BCL2L13: variants seen among roughly 807,000 people sequenced by gnomAD.
The protein encoded by BCL2L13 is BCL2 like 13.
A neutral mutation model predicts 25.8 loss-of-function variants in BCL2L13; 13 were observed. That is an observed-to-expected ratio of 0.50 (90% CI 0.33 to 0.80). The LOEUF (loss-of-function observed/expected upper bound fraction) is 0.80, where lower values mean the gene tolerates loss of function less well. Ranked by LOEUF, BCL2L13 falls within the 30% of genes least tolerant of loss-of-function variation. The pLI, the probability that BCL2L13 is intolerant of heterozygous loss-of-function variation, is 0.02. For synonymous variants in BCL2L13, 244 were observed against 230.3 expected (o/e 1.06, Z -0.54); for missense variants, 504 against 574.9 (o/e 0.88, Z 1.26).
At chr22:17,629,667 C>T (rs550138229) in intron 1 of BCL2L13, among the ~76,000 whole-genome samples, 3 of 152,120 alleles carry the variant, frequency 2.0e-5, no homozygotes, top group Admixed American at 6.5e-5. Flanking sequence ...TTTCTTTTTA[C>T]TGTGCTATGG....
chr22:17,704,114 T>A (rs927422462), intron 6 of BCL2L13, among the ~76,000 whole-genome samples: 4 of 152,176 alleles, frequency 2.6e-5, no homozygotes, highest in African/African-American at 9.7e-5. Context: ...TTTGAAACAG[T>A]CTTGCTCTGT....
intron 2 of BCL2L13, among the ~76,000 whole-genome samples, chr22:17,656,519 T>C (rs1323512859): frequency 6.6e-6 from 1 of 150,998 alleles, no homozygotes; most frequent in Non-Finnish European, 1.5e-5. Flanking sequence ...GGCTAATTTT[T>C]GTATTTTTAG....
At chr22:17,693,825 C>A (rs1262882157) in intron 4 of BCL2L13, among the ~76,000 whole-genome samples, 2 of 152,154 alleles carry the variant, frequency 1.3e-5, no homozygotes, top group African/African-American at 2.4e-5. Context: ...GCAACCTCCA[C>A]CTCCTGGGTT....
intron 4 of BCL2L13, among the ~76,000 whole-genome samples, chr22:17,694,359 A>G (rs1041814826): frequency 1.3e-5 from 2 of 152,040 alleles, no homozygotes; most frequent in African/African-American, 2.4e-5. Context: ...CTACCCTTGT[A>G]TCATAACACT....
At chr22:17,683,353 G>A (rs368974530) in intron 3 of BCL2L13, 32 bp downstream of exon 3, 2 of 1,277,044 alleles carry the variant, frequency 1.6e-6, no homozygotes, top group Non-Finnish European at 2.2e-6. Context: ...TAGTTAATAA[G>A]CAGATTGTGT....
At position 17,689,086 on chromosome 22, in the gene BCL2L13, A is replaced by T. The variant is rs2045289958; in HGVS notation, c.330A>T (p.Lys110Asn). The stretch of plus-strand genomic sequence containing the variant: ...ACTGCTTGGCCCATCTTGGAGAAAA[A>T]GTGTCCCAGGAACTGAAAGAGCCTC... ...MEDCLAHLGE[K>N]VSQELKEPLH... The change falls in exon 4 of 7, where the codon AAA (lysine) becomes AAT (asparagine). Residue 110 changes from lysine to asparagine, a missense_variant. Transcript: ENST00000317582. 6.2e-7 allele frequency: 1 copy of T among 1,614,172 alleles called. No individual in the cohort carries two copies. Among genetic ancestry groups the T allele is most frequent in the Admixed American group, 1.7e-5 (1 of 60,012 alleles).
chr22:17,633,557 G>A (rs1420355476), intron 1 of BCL2L13, among the ~76,000 whole-genome samples: 1 of 152,054 alleles, frequency 6.6e-6, no homozygotes, highest in Non-Finnish European at 1.5e-5. Flanking sequence ...AGAAAGGGAC[G>A]GTTCATGTGC....
At chr22:17,658,027 G>A (rs970646720) in intron 2 of BCL2L13, among the ~76,000 whole-genome samples, 8 of 147,526 alleles carry the variant, frequency 5.4e-5, no homozygotes, top group South Asian at 2.2e-4. Flanking sequence ...TCACCATGTT[G>A]GCCAGGATGG....
At chr22:17,677,829 G>A (rs1464699499) in intron 2 of BCL2L13, among the ~76,000 whole-genome samples, 2 of 151,236 alleles carry the variant, frequency 1.3e-5, no homozygotes, top group Admixed American at 6.6e-5. Context: ...GCGAGATCGC[G>A]CCATTGCATG....
At chr22:17,653,272 G>A (rs980527528) in intron 1 of BCL2L13, among the ~76,000 whole-genome samples, 2 of 152,098 alleles carry the variant, frequency 1.3e-5, no homozygotes, top group Non-Finnish European at 2.9e-5. Flanking sequence ...AGAAATAGGA[G>A]TAATACCACT....
At chr22:17,705,943 T>C (rs904253316) in intron 6 of BCL2L13, among the ~76,000 whole-genome samples, 4 of 152,180 alleles carry the variant, frequency 2.6e-5, no homozygotes, top group Admixed American at 1.3e-4. Flanking sequence ...CATAGTCAGT[T>C]AGGAACAGGC....
chr22:17,700,113 A>G (rs1355184621), intron 5 of BCL2L13, among the ~76,000 whole-genome samples: 13 of 152,118 alleles, frequency 8.5e-5, no homozygotes, highest in African/African-American at 3.1e-4. Flanking sequence ...GAAAAATGAC[A>G]TTTCTGCTCT....
At chr22:17,647,215 C>G (rs1313429328) in intron 1 of BCL2L13, among the ~76,000 whole-genome samples, 1 of 151,740 alleles carries the variant, frequency 6.6e-6, no homozygotes, top group African/African-American at 2.4e-5. Flanking sequence ...ACCTTGTGAT[C>G]CGCTCGCCTT....
chr22:17,632,734 A>ATCTT (rs1463165343), intron 1 of BCL2L13, among the ~76,000 whole-genome samples: 2 of 149,702 alleles, frequency 1.3e-5, no homozygotes, highest in Non-Finnish European at 3.0e-5. Flanking sequence ...CAGTGTGATA[A>ATCTT]TCTTTATGAT....
intron 6 of BCL2L13, among the ~76,000 whole-genome samples, chr22:17,718,470 TTATG>T (rs2061008408): frequency 6.6e-6 from 1 of 152,190 alleles, no homozygotes; most frequent in Admixed American, 6.5e-5. Context: ...TATATAGACT[TTATG>T]TACTGCATTT....
intron 2 of BCL2L13, among the ~76,000 whole-genome samples, chr22:17,674,033 G>T (rs2059499225): frequency 6.6e-6 from 1 of 152,110 alleles, no homozygotes; most frequent in Admixed American, 6.5e-5. Context: ...ATATCCCAAA[G>T]TGTTTGTAAT....
Position 17,713,411 on chromosome 22 carries a change from T to C in BCL2L13, c.600+11025T>C, listed in dbSNP as rs79550436. 6.8e-3 allele frequency among the ~76,000 whole-genome samples: 1,026 copies of C among 151,918 alleles called. 11 individuals carry two copies. The highest frequency in any genetic ancestry group is 0.023 in the African/African-American group (965 of 41,430). ...TTGTAGAATATAGAGCCCATCAATT[T>C]ATGATGGGGCACATTCCAATAAATA... On this transcript the variant is annotated intron_variant, in intron 6 of 6. Coordinates refer to ENST00000317582, the MANE Select transcript of BCL2L13 (RefSeq NM_015367.4).
rs372026040 is a variant in BCL2L13 at position 17,655,859 on chromosome 22, T to C, written c.121+27T>C. 7.5e-6 allele frequency: 12 copies of C among 1,591,516 alleles called. No homozygotes were observed. In the African/African-American group the frequency reaches 1.4e-4, roughly 18 times the overall value. ...TATTATCTTTGGCTTATGGTGGTTATAGTAAATTGTAATAAGGACTTTATA... is the reference window on the plus strand; with the variant it reads ...TATTATCTTTGGCTTATGGTGGTTACAGTAAATTGTAATAAGGACTTTATA... On this transcript the variant is annotated intron_variant, in intron 2 of 6. Transcript: ENST00000317582.
intron 1 of BCL2L13, among the ~76,000 whole-genome samples, chr22:17,631,270 C>A (rs2895947): frequency 0.88 from 132,982 of 151,400 alleles, 58,756 homozygotes; most frequent in African/African-American, 0.97. Flanking sequence ...CTAATTTTTT[C>A]TTTTTGGTAG....
Sources: gnomAD v4.1 joint callset for allele counts (sites outside exome capture counted in the v4.1 genomes callset) on GRCh38, gnomAD v4.1.1 for gene constraint, MANE v1.5 for transcripts, NCBI Gene and HGNC (gene_info 2026-07-23, HGNC 2026-07-21) for gene names.